Variants in GRIN2A observed in about 807,000 individuals in gnomAD.
GRIN2A encodes the protein glutamate ionotropic receptor NMDA type subunit 2A, also known as glutamate receptor ionotropic, NMDA 2A.
In GRIN2A, 22 loss-of-function variants were observed where a neutral mutation model predicts 113.4. The ratio of observed to expected loss-of-function variants is 0.19; its 90% confidence interval spans 0.14 to 0.28. GRIN2A has a LOEUF of 0.28. Ranked by LOEUF, GRIN2A falls within the 10% of genes least tolerant of loss-of-function variation. The probability of loss-of-function intolerance (pLI) is 1.00; values close to 1 mark genes in which losing one functional copy is unlikely to be tolerated. For synonymous variants in GRIN2A, 827 were observed against 738.4 expected, an observed-to-expected ratio of 1.12 and a Z score of -1.94; for missense variants, 1,502 against 1,887.0, an observed-to-expected ratio of 0.80 and a Z score of 3.78.
chr16:9,777,830 G>A (rs557225224), intron 11 of GRIN2A, among the ~76,000 whole-genome samples: 16 of 152,326 alleles, frequency 1.1e-4, no homozygotes, highest in Admixed American at 2.0e-4. Flanking sequence ...CTGGGAGGCC[G>A]AGGCACGCAG....
intron 9 of GRIN2A, among the ~76,000 whole-genome samples, chr16:9,824,200 G>C (rs955168406): frequency 2.0e-5 from 3 of 152,218 alleles, no homozygotes; most frequent in Non-Finnish European, 4.4e-5. Flanking sequence ...CCTCCTGCCA[G>C]GGTGTGCCTT....
At chr16:10,154,166 C>A (rs1006413112) in intron 2 of GRIN2A, among the ~76,000 whole-genome samples, 5 of 152,206 alleles carry the variant, frequency 3.3e-5, no homozygotes, top group African/African-American at 1.2e-4. Context: ...CCACATCCCC[C>A]TCCCCACCTA....
At chr16:10,126,301 C>T (rs1236808262) in intron 2 of GRIN2A, among the ~76,000 whole-genome samples, 1 of 151,912 alleles carries the variant, frequency 6.6e-6, no homozygotes, top group African/African-American at 2.4e-5. Context: ...AAACAGACTA[C>T]AGGCGTGCAC....
chr16:9,825,876 G>C (rs558845519), intron 9 of GRIN2A, among the ~76,000 whole-genome samples: 8 of 152,104 alleles, frequency 5.3e-5, no homozygotes, highest in African/African-American at 1.9e-4. Flanking sequence ...TCCCTCCATT[G>C]GTTGTCACAA....
At chr16:10,177,980 TCA>T (rs1311569477) in intron 2 of GRIN2A, among the ~76,000 whole-genome samples, 2 of 152,214 alleles carry the variant, frequency 1.3e-5, no homozygotes, top group Non-Finnish European at 2.9e-5. Context: ...CCTCCCAGTC[TCA>T]CACCACCTTT....
chr16:9,773,773 C>T (rs1901432646), intron 11 of GRIN2A, among the ~76,000 whole-genome samples: 4 of 152,168 alleles, frequency 2.6e-5, no homozygotes, highest in Admixed American at 2.6e-4. Flanking sequence ...GGAGATGTTT[C>T]CAGCCACAAG....
intron 11 of GRIN2A, among the ~76,000 whole-genome samples, chr16:9,772,584 G>A (rs867371970): frequency 1.3e-5 from 2 of 152,088 alleles, no homozygotes; most frequent in African/African-American, 4.8e-5. Context: ...TCTTGCCCAG[G>A]CTGATGATCT....
chr16:10,171,317 T>C (rs1070503), intron 2 of GRIN2A: 123,709 of 152,166 alleles, frequency 0.81, 50,847 homozygotes, highest in Non-Finnish European at 0.87. Context: ...CTGCCAGGTT[T>C]CCCAGGCTAT....
At chr16:9,871,967 G>A (rs145637958) in intron 4 of GRIN2A, among the ~76,000 whole-genome samples, 14 of 152,248 alleles carry the variant, frequency 9.2e-5, no homozygotes, top group African/African-American at 3.4e-4. Flanking sequence ...TACGGTTCAG[G>A]TTAGCGGAAA....
intron 3 of GRIN2A, among the ~76,000 whole-genome samples, chr16:9,922,045 A>G (rs769789427): frequency 2.2e-4 from 34 of 152,230 alleles, no homozygotes; most frequent in South Asian, 4.1e-4. Context: ...AAAAAGAGAA[A>G]TTAGACTTTG....
In GRIN2A at chr16:9,758,983, G is replaced by C. The variant is rs916230807; in HGVS notation, c.*4166C>G. The stretch of plus-strand genomic sequence containing the variant: ...CACCTACTCAAACTTCTTTTTCTTT[G>C]AGTCCAATCATGTCTACTATAGCCA... On this transcript the variant is annotated 3_prime_UTR_variant, in exon 13 of 13. Coordinates refer to ENST00000330684, the MANE Select transcript of GRIN2A (RefSeq NM_001134407.3). 1.3e-5 allele frequency: 3 copies of C among 222,488 alleles called. No individual in the cohort carries two copies. The highest frequency in any genetic ancestry group is 2.7e-5 in the Non-Finnish European group (3 of 111,442). The allele number at this position is 222,488 out of a possible 1,614,324, so 13.8% of individuals were successfully genotyped here. A position where few individuals can be genotyped will look rare whatever the true frequency, so the allele number is the denominator to read the frequency against.
At chr16:10,005,285 C>G (rs2046386670) in intron 2 of GRIN2A, among the ~76,000 whole-genome samples, 1 of 152,140 alleles carries the variant, frequency 6.6e-6, no homozygotes, top group Non-Finnish European at 1.5e-5. Flanking sequence ...ATATTCTGGG[C>G]CAATGTACCC....
chr16:9,792,759 C>A (rs1477987569), intron 11 of GRIN2A, among the ~76,000 whole-genome samples: 1 of 152,048 alleles, frequency 6.6e-6, no homozygotes, highest in African/African-American at 2.4e-5. Context: ...TAAAACTGAG[C>A]AAAATACAAA....
intron 2 of GRIN2A, among the ~76,000 whole-genome samples, chr16:10,124,122 A>C (rs2048882736): frequency 6.6e-6 from 1 of 152,122 alleles, no homozygotes; most frequent in African/African-American, 2.4e-5. Context: ...AGGTTGTTAA[A>C]AAAGCGAGGT....
chr16:9,822,684 G>A (rs2042312285), intron 9 of GRIN2A, among the ~76,000 whole-genome samples: 2 of 152,142 alleles, frequency 1.3e-5, no homozygotes, highest in Non-Finnish European at 2.9e-5. Context: ...TCCTAGCACA[G>A]AGCCCGGCTG....
chr16:10,015,008 C>T (rs2046576043), intron 2 of GRIN2A, among the ~76,000 whole-genome samples: 1 of 151,792 alleles, frequency 6.6e-6, no homozygotes, highest in African/African-American at 2.4e-5. Context: ...AATCCCAGCA[C>T]TTTGGGAGGC....
In GRIN2A at chr16:9,753,865, T is replaced by C. The variant is rs1900260735; in HGVS notation, c.*9284A>G. Reference sequence around the variant, plus strand: ...TTCTGATGTGGGTTTTGGATTCTGTTTGAATGTAGCTGTGAATAGAAACCC... The same window carrying C: ...TTCTGATGTGGGTTTTGGATTCTGTCTGAATGTAGCTGTGAATAGAAACCC... On this transcript the variant is annotated 3_prime_UTR_variant, in exon 13 of 13. Transcript: ENST00000330684. The C allele has an allele frequency of 5.6e-6, 1 of 178,836 alleles. No homozygotes were observed. The highest frequency in any genetic ancestry group is 2.4e-5 in the African/African-American group (1 of 42,318). The allele number at this position is 178,836 out of a possible 1,614,324, so 11.1% of individuals were successfully genotyped here. A position where few individuals can be genotyped will look rare whatever the true frequency, so the allele number is the denominator to read the frequency against.
intron 2 of GRIN2A, chr16:10,037,104 G>A (rs1240734613): frequency 1.3e-5 from 2 of 152,166 alleles, no homozygotes; most frequent in African/African-American, 2.4e-5. Flanking sequence ...TGGATGGATG[G>A]AGCACTGGAA....
intron 3 of GRIN2A, among the ~76,000 whole-genome samples, chr16:9,893,665 C>T (rs1387813823): frequency 6.6e-6 from 1 of 152,116 alleles, no homozygotes; most frequent in Non-Finnish European, 1.5e-5. Flanking sequence ...CAGGGTTTTG[C>T]CATGTTGACC....
Sources: allele counts gnomAD v4.1 joint callset (sites outside exome capture counted in the v4.1 genomes callset), GRCh38; gene constraint gnomAD v4.1.1; transcripts MANE v1.5; gene names NCBI Gene and HGNC (gene_info 2026-07-23, HGNC 2026-07-21).